The following SLC12A7 variants were observed in gnomAD, a reference collection of about 807,000 sequenced individuals.
SLC12A7 encodes K-Cl cotransporter 4.
SLC12A7 carries 100 observed loss-of-function variants against 120.6 expected under a neutral mutation model. The ratio of observed to expected loss-of-function variants is 0.83; its 90% CI spans 0.71 to 0.98. SLC12A7 has a LOEUF of 0.98. Among genes scored for constraint, SLC12A7 ranks in the 50% least tolerant of loss-of-function variants. The pLI is 0.00. For missense variants in SLC12A7, 1,373 were observed against 1,548.1 expected (o/e 0.89, Z 1.90); for synonymous variants, 760 against 678.0 (o/e 1.12, Z -1.88).
upstream of SLC12A7, among the ~76,000 whole-genome samples, chr5:1,116,614 G>C (rs931055954): frequency 1.8e-4 from 27 of 152,266 alleles, no homozygotes; most frequent in African/African-American, 6.3e-4. Flanking sequence ...GGATGAGTCC[G>C]ACACACTCTT....
At chr5:1,058,733 C>T (rs531322288) in intron 21 of SLC12A7, among the ~76,000 whole-genome samples, 1 of 152,340 alleles carries the variant, frequency 6.6e-6, no homozygotes, top group Non-Finnish European at 1.5e-5. Flanking sequence ...CTCATTGTGG[C>T]GCCCGGCCCA....
chr5:1,114,239 C>T (rs1302541740), upstream of SLC12A7, among the ~76,000 whole-genome samples: 1 of 152,226 alleles, frequency 6.6e-6, no homozygotes, highest in Non-Finnish European at 1.5e-5. Flanking sequence ...GGTGCCCAGC[C>T]CTGCCAGGCA....
the SLC12A7 span, among the ~76,000 whole-genome samples, chr5:1,123,116 A>G: frequency 6.6e-6 from 1 of 152,202 alleles, no homozygotes; most frequent in East Asian, 1.9e-4. Context: ...CAAGATAAGC[A>G]GGGCACGCTC....
At chr5:1,066,886 C>T (rs936973162) in intron 17 of SLC12A7, among the ~76,000 whole-genome samples, 26 of 152,292 alleles carry the variant, frequency 1.7e-4, no homozygotes, top group African/African-American at 5.5e-4. Context: ...AGAGAACAGA[C>T]GCCCTTTGCT....
the SLC12A7 span, among the ~76,000 whole-genome samples, chr5:1,143,591 C>T: frequency 6.6e-6 from 1 of 152,156 alleles, no homozygotes; most frequent in Non-Finnish European, 1.5e-5. Flanking sequence ...GCCTCAGCTG[C>T]GAATCTGGGG....
Position 1,098,807 on chromosome 5 carries a change from A to G in SLC12A7, c.125-4559T>C, listed in dbSNP as rs1381269077. 3.8e-4 allele frequency among the ~76,000 whole-genome samples: 46 copies of G among 119,734 alleles called. 11 individuals carry two copies. The highest frequency in any genetic ancestry group is 5.7e-4 in the Non-Finnish European group (31 of 54,758). 78.6% of individuals were successfully genotyped at this position (119,734 alleles called of 152,430 possible). ...CCAGCCACCCTCTAACCCTCTGCTC[A>G]CCCAGCCGCGTCCCTTGCGCTCCCT... On this transcript the variant is annotated intron_variant, in intron 1 of 23. Transcript: ENST00000264930.
rs1738097943 is a variant in SLC12A7 at position 1,074,511 on chromosome 5, C to T, written c.2072+56G>A. The T allele has an allele frequency of 2.0e-6, 3 of 1,522,430 alleles. No individual in the cohort carries two copies. In the South Asian group the frequency reaches 3.6e-5, roughly 18 times the overall value. 94.3% of individuals were successfully genotyped at this position (1,522,430 alleles called of 1,614,324 possible). A position where few individuals can be genotyped will look rare whatever the true frequency, so the allele number is the denominator to read the frequency against. ...TCAAAGGTCCCCACTCAAAGGCCGA[C>T]CTCAGAAACAGCTCTTCTGTGCGTC... On this transcript the variant is annotated intron_variant, in intron 16 of 23. Coordinates refer to ENST00000264930, the MANE Select transcript of SLC12A7 (RefSeq NM_006598.3).
rs1237677791 is a variant in SLC12A7 at position 1,083,825 on chromosome 5, G to A, written c.1049C>T (p.Ala350Val). ...GLFCNGSQPS[A>V]ACDEYFIQNN... Reference sequence around the variant, plus strand: ...CTGGATGAAGTACTCGTCACAGGCGGCGCTGGGCTGGGAGCCGTTGCAGAA... The same window carrying A: ...CTGGATGAAGTACTCGTCACAGGCGACGCTGGGCTGGGAGCCGTTGCAGAA... The change falls in exon 8 of 24, where the codon GCC becomes GTC. Residue 350 changes from alanine (A) to valine (V), a missense_variant. Ala to Val is a moderately conservative substitution (Grantham distance 64, BLOSUM62 0). Coordinates refer to ENST00000264930, the MANE Select transcript of SLC12A7 (RefSeq NM_006598.3). The A allele has an allele frequency of 6.2e-7, 1 of 1,609,798 alleles. No homozygotes were observed. The highest frequency in any genetic ancestry group is 1.1e-5 in the South Asian group (1 of 90,822).
the SLC12A7 span, among the ~76,000 whole-genome samples, chr5:1,129,906 C>T: frequency 2.4e-3 from 371 of 152,252 alleles, 1 homozygote; most frequent in African/African-American, 8.5e-3. Flanking sequence ...GTGTCCTGGG[C>T]GTGAAGCCAT....
chr5:1,120,910 G>A, the SLC12A7 span, among the ~76,000 whole-genome samples: 81 of 152,344 alleles, frequency 5.3e-4, no homozygotes, highest in African/African-American at 1.6e-3. Context: ...ACGCTTCGAC[G>A]CGAAGGGCTC....
rs1294663813 is a variant in SLC12A7, at chr5:1,052,288, G to A, written c.*72C>T. 1 of 1,298,764 alleles carries A rather than the reference G, an allele frequency of 7.7e-7. No individual in the cohort carries two copies. The highest frequency in any genetic ancestry group is 1.5e-5 in the African/African-American group (1 of 68,866). The allele number at this position is 1,298,764 out of a possible 1,614,324, so 80.5% of individuals were successfully genotyped here. On this transcript the variant is annotated 3_prime_UTR_variant, in exon 24 of 24. Coordinates refer to ENST00000264930, the MANE Select transcript of SLC12A7 (RefSeq NM_006598.3). ...GGTGTGTCTGCCGTCTGTTTCCCTG[G>A]GCCAAGCCCAGGCCCAGGCTGCCCA... is the stretch of plus-strand genomic sequence containing the variant.
intron 1 of SLC12A7, among the ~76,000 whole-genome samples, chr5:1,098,144 C>CT (rs1406298713): frequency 1.5e-5 from 1 of 64,754 alleles, no homozygotes; most frequent in Non-Finnish European, 2.8e-5. Context: ...CCAGCCCCCA[C>CT]AACCCTCTGC....
chr5:1,081,536 G>A (rs1218955385), intron 9 of SLC12A7, 41 bp downstream of exon 9: 1 of 1,576,938 alleles, frequency 6.3e-7, no homozygotes, highest in South Asian at 1.1e-5. Flanking sequence ...AAGAGAGGGA[G>A]AGAAAGAAAG....
intron 1 of SLC12A7, among the ~76,000 whole-genome samples, chr5:1,111,177 C>A (rs971012207): frequency 1.3e-5 from 2 of 152,174 alleles, no homozygotes; most frequent in Non-Finnish European, 2.9e-5. Context: ...CGGGGAGTAA[C>A]TGGGATTTGG....
At chr5:1,111,707 G>T (rs1452481267) in intron 1 of SLC12A7, among the ~76,000 whole-genome samples, 161 bp downstream of exon 1, 6 of 152,180 alleles carry the variant, frequency 3.9e-5, no homozygotes, top group African/African-American at 1.4e-4. Context: ...ACTAACGTGG[G>T]GTGGGGGCCC....
chr5:1,094,314 T>A, intron 1 of SLC12A7, 66 bp from the exon 2 acceptor site: 1 of 1,192,504 alleles, frequency 8.4e-7, no homozygotes, highest in Non-Finnish European at 1.3e-6. Context: ...GAAGGCCAAC[T>A]ACAGATCTTG....
At chr5:1,143,783 A>G in the SLC12A7 span, among the ~76,000 whole-genome samples, 36 of 152,194 alleles carry the variant, frequency 2.4e-4, no homozygotes, top group African/African-American at 8.2e-4. Context: ...CCAACCAGCA[A>G]ACCCGTGGCT....
chr5:1,107,731 G>A (rs1458787855), intron 1 of SLC12A7, among the ~76,000 whole-genome samples: 1 of 152,198 alleles, frequency 6.6e-6, no homozygotes, highest in Non-Finnish European at 1.5e-5. Context: ...ACGCTAGACA[G>A]AAAACCACCG....
At chr5:1,055,450 G>A (rs2115284) in intron 22 of SLC12A7, among the ~76,000 whole-genome samples, 48,945 of 152,184 alleles carry the variant, frequency 0.32, 9,636 homozygotes, top group Non-Finnish European at 0.45. Context: ...TCTCACGCCC[G>A]CACTGCCCAG....
Sources: allele counts gnomAD v4.1 joint callset (sites outside exome capture counted in the v4.1 genomes callset), GRCh38; gene constraint gnomAD v4.1.1; transcripts MANE v1.5; gene names NCBI Gene and HGNC (gene_info 2026-07-23, HGNC 2026-07-21).